The following SMG6 variants were observed in gnomAD, a reference collection of about 807,000 sequenced individuals.
The protein encoded by SMG6 is telomerase-binding protein EST1A.
Under a neutral mutation model 142.2 loss-of-function variants are expected in SMG6, and 66 were observed. The ratio of observed to expected loss-of-function variants is 0.46; its 90% CI spans 0.38 to 0.57. SMG6 has a LOEUF of 0.57. Among genes scored for constraint, SMG6 ranks in the 20% least tolerant of loss-of-function variants. The pLI is 0.00. For synonymous variants in SMG6, 779 were observed against 702.4 expected (o/e 1.11, Z -1.72); for missense variants, 1,793 against 1,832.0 (o/e 0.98, Z 0.39).
intron 10 of SMG6, among the ~76,000 whole-genome samples, chr17:2,206,816 A>G (rs2072695128): frequency 6.6e-6 from 1 of 151,804 alleles, no homozygotes; most frequent in South Asian, 2.1e-4. Context: ...TGAACCCTGA[A>G]GGCGGAGGTC....
At chr17:2,290,585 G>C (rs745865788) in intron 6 of SMG6, among the ~76,000 whole-genome samples, 1 of 152,338 alleles carries the variant, frequency 6.6e-6, no homozygotes, top group South Asian at 2.1e-4. Flanking sequence ...CATAACCCAT[G>C]AAAGAAATAA....
chr17:2,222,667 G>C (rs1446489974), intron 10 of SMG6, among the ~76,000 whole-genome samples: 3 of 149,842 alleles, frequency 2.0e-5, no homozygotes, highest in Non-Finnish European at 2.9e-5. Context: ...AGCAGACTCT[G>C]TATGTAATGT....
chr17:2,222,833 T>A (rs555903583), intron 10 of SMG6, among the ~76,000 whole-genome samples: 1 of 152,272 alleles, frequency 6.6e-6, no homozygotes, highest in South Asian at 2.1e-4. Flanking sequence ...TCTCTTCCAA[T>A]GAGGAATATT....
chr17:2,297,579 C>T (rs980092269), intron 3 of SMG6, among the ~76,000 whole-genome samples: 2 of 151,882 alleles, frequency 1.3e-5, no homozygotes, highest in South Asian at 4.2e-4. Context: ...CACACACACA[C>T]ACACACACGC....
At chr17:2,120,692 T>G (rs948888167) in intron 13 of SMG6, among the ~76,000 whole-genome samples, 2 of 152,184 alleles carry the variant, frequency 1.3e-5, no homozygotes, top group Non-Finnish European at 2.9e-5. Flanking sequence ...CACTGCTCTT[T>G]GGCTTGGGTG....
At chr17:2,236,415 G>T in intron 10 of SMG6, 77 bp downstream of exon 10, 1 of 1,471,664 alleles carries the variant, frequency 6.8e-7, no homozygotes, top group Non-Finnish European at 9.3e-7. Flanking sequence ...GGTATGGTAG[G>T]TATGGTAACA....
intron 13 of SMG6, among the ~76,000 whole-genome samples, chr17:2,097,243 T>A (rs2068880772): frequency 6.6e-6 from 1 of 151,966 alleles, no homozygotes; most frequent in African/African-American, 2.4e-5. Flanking sequence ...CAGCCTCGAC[T>A]TCCTGGGCTT....
chr17:2,091,714 A>G (rs1356862966), intron 13 of SMG6, among the ~76,000 whole-genome samples: 2 of 146,478 alleles, frequency 1.4e-5, no homozygotes, highest in Non-Finnish European at 3.0e-5. Context: ...TCTGTTGCCC[A>G]GGCTGGAGTG....
chr17:2,081,749 CCT>C, intron 15 of SMG6, 59 bp downstream of exon 15: 1 of 1,590,588 alleles, frequency 6.3e-7, no homozygotes, highest in Non-Finnish European at 8.6e-7. Flanking sequence ...CTGCCCACAT[CCT>C]CTCATGCCCT....
At chr17:2,113,662 T>C (rs1349858515) in intron 13 of SMG6, among the ~76,000 whole-genome samples, 1 of 152,198 alleles carries the variant, frequency 6.6e-6, no homozygotes. Context: ...CTCAAAACCA[T>C]CACTCCTACT....
chr17:2,245,776 G>A (rs573325897), intron 8 of SMG6, among the ~76,000 whole-genome samples: 6 of 152,170 alleles, frequency 3.9e-5, no homozygotes, highest in Non-Finnish European at 5.9e-5. Flanking sequence ...AACCTCCTGG[G>A]CTCAAGTGAT....
At chr17:2,228,297 T>G (rs1000711595) in intron 10 of SMG6, among the ~76,000 whole-genome samples, 1 of 152,098 alleles carries the variant, frequency 6.6e-6, no homozygotes, top group Admixed American at 6.6e-5. Context: ...GGCACAATCT[T>G]GGCTCACTGC....
chr17:2,067,515 C>T (rs745776182), intron 16 of SMG6, among the ~76,000 whole-genome samples: 31 of 152,174 alleles, frequency 2.0e-4, no homozygotes, highest in Non-Finnish European at 3.5e-4. Flanking sequence ...CAAGGCAGCC[C>T]GCCCCAGCGA....
At chr17:2,242,799 T>C (rs2073842243) in intron 9 of SMG6, among the ~76,000 whole-genome samples, 2 of 152,100 alleles carry the variant, frequency 1.3e-5, no homozygotes, top group South Asian at 4.1e-4. Context: ...GTGTTATTTT[T>C]AAGATGATAC....
At chr17:2,130,614 A>C (rs1374107688) in intron 13 of SMG6, among the ~76,000 whole-genome samples, 1 of 152,164 alleles carries the variant, frequency 6.6e-6, no homozygotes, top group African/African-American at 2.4e-5. Flanking sequence ...AATTTAAAGT[A>C]AAACTAAAAC....
chr17:2,069,081 T>C (rs1869819658), intron 15 of SMG6, 150 bp from the exon 16 acceptor site: 7 of 737,454 alleles, frequency 9.5e-6, no homozygotes, highest in South Asian at 9.2e-5. Flanking sequence ...GTCTCAGGGA[T>C]AGGCCCAAGG....
intron 18 of SMG6, among the ~76,000 whole-genome samples, chr17:2,064,189 C>A (rs1024452194): frequency 6.6e-6 from 1 of 152,136 alleles, no homozygotes; most frequent in Non-Finnish European, 1.5e-5. Context: ...CAAGAGACCA[C>A]TTATAGGTAG....
At chr17:2,298,547 GTCTC>G (rs949659814) in intron 2 of SMG6, among the ~76,000 whole-genome samples, 36 of 151,848 alleles carry the variant, frequency 2.4e-4, no homozygotes, top group African/African-American at 7.3e-4. Flanking sequence ...GTGAAACTCC[GTCTC>G]TCTAAAAATA....
At chr17:2,095,945 G>C (rs1042414138) in intron 13 of SMG6, among the ~76,000 whole-genome samples, 1 of 150,832 alleles carries the variant, frequency 6.6e-6, no homozygotes, top group Non-Finnish European at 1.5e-5. Context: ...CCTGCAGGCT[G>C]TCTGCTTCCC....
Sources: allele counts gnomAD v4.1 joint callset (sites outside exome capture counted in the v4.1 genomes callset), GRCh38; gene constraint gnomAD v4.1.1; transcripts MANE v1.5; gene names NCBI Gene and HGNC (gene_info 2026-07-23, HGNC 2026-07-21).